MAP3K12: variants seen among roughly 807,000 people sequenced by gnomAD.
MAP3K12 encodes mitogen-activated protein kinase kinase kinase 12.
Under a neutral mutation model 87.5 loss-of-function variants are expected in MAP3K12, and 14 were observed. The ratio of observed to expected loss-of-function variants is 0.16; its 90% CI spans 0.11 to 0.25. The LOEUF (loss-of-function observed/expected upper bound fraction) is 0.25. Among genes scored for constraint, MAP3K12 ranks in the 10% least tolerant of loss-of-function variants. The probability of loss-of-function intolerance (pLI) is 1.00; values close to 1 mark genes in which losing one functional copy is unlikely to be tolerated. For synonymous variants in MAP3K12, 469 were observed against 452.5 expected, an observed-to-expected ratio of 1.04 and a Z score of -0.46; for missense variants, 802 against 1,140.4, an observed-to-expected ratio of 0.70 and a Z score of 4.27.
chr12:53,482,397 C>G (rs1385212527), intron 11 of MAP3K12, 28 bp from the exon 12 acceptor site: 1 of 1,612,302 alleles, frequency 6.2e-7, no homozygotes, highest in Non-Finnish European at 8.5e-7. Context: ...TGGGGGGGGT[C>G]TGATTAGAAG....
chr12:53,486,196 G>T lies in MAP3K12; in HGVS notation c.681C>A (p.Ala227=), dbSNP rs767044051. 4.3e-6 allele frequency: 7 copies of T among 1,613,636 alleles called. No individual in the cohort carries two copies. Among genetic ancestry groups the T allele is most frequent in the Non-Finnish European group, 5.9e-6 (7 of 1,179,784 alleles). Residue 227 remains alanine, a synonymous_variant, in exon 4 of 14, where the codon GCC becomes GCA. Transcript: ENST00000547488. This position sits in a 1 kb window ranked among gnomAD's most constrained non-coding sequence, Gnocchi z 4.9. ...PCYCILMEFC[A]QGQLYEVLRA... Reference sequence around the variant, plus strand: ...GCAGTACCTCATACAGCTGGCCCTGGGCGCAGAACTCCATGAGGATGCAGT... The same window carrying T: ...GCAGTACCTCATACAGCTGGCCCTGTGCGCAGAACTCCATGAGGATGCAGT...
chr12:53,494,348 T>C (rs1943493944), intron 1 of MAP3K12, among the ~76,000 whole-genome samples: 2 of 152,232 alleles, frequency 1.3e-5, no homozygotes, highest in Admixed American at 1.3e-4. Context: ...GGGGACAGAA[T>C]GATCTCTAAG....
At position 53,483,629 on chromosome 12, in the gene MAP3K12, G is replaced by T. The variant is rs555993639; in HGVS notation, c.1453C>A (p.Leu485Ile). The T allele has an allele frequency of 3.2e-4, 516 of 1,614,120 alleles. 7 individuals are homozygous for T. In the South Asian group the frequency reaches 5.3e-3, roughly 17 times the overall value. ...ELNALMLQLELKERELLRREQ... is the reference protein window; with the variant it reads ...ELNALMLQLEIKERELLRREQ... ...TACCTGAGCAGCTCCCTCTCCTTGA[G>T]TTCCAGCTGCAACATGAGGGCATTA... The change falls in exon 9 of 14, where the codon CTC becomes ATC. Residue 485 changes from leucine to isoleucine, a missense_variant. By Grantham distance (5) the Leu-to-Ile change is conservative. Around this residue, in one of 5 missense-constraint regions of MAP3K12, gnomAD observed 99 missense variants for 193.4 expected, o/e 0.51. Transcript: ENST00000547488.
upstream of MAP3K12, chr12:53,499,483 A>T (rs1281060315): frequency 7.0e-6 from 1 of 142,234 alleles, no homozygotes; most frequent in African/African-American, 2.6e-5. Context: ...TCCGCTCCGG[A>T]TGCTGCTCCC....
At chr12:53,489,702 T>A (rs1592717246) in intron 1 of MAP3K12, among the ~76,000 whole-genome samples, 1 of 152,080 alleles carries the variant, frequency 6.6e-6, no homozygotes, top group Admixed American at 6.5e-5. Flanking sequence ...TCTAGAAGGG[T>A]TCAGTAGATG....
chr12:53,486,782 G>T lies in MAP3K12; in HGVS notation c.446-160C>A. On this transcript the variant is annotated intron_variant, in intron 2 of 13. Coordinates refer to ENST00000547488, the MANE Select transcript of MAP3K12 (RefSeq NM_001193511.2). The surrounding 1 kb of genome is among the most constrained non-coding windows in gnomAD (Gnocchi z 4.9). ...TCGAGGGGACAGGGAAGGAATGAAT[G>T]GGTGGCCTTAAAAGAAGCTGGGAAG... 6.8e-7 allele frequency: 1 copy of T among 1,470,168 alleles called. No individual in the cohort carries two copies. The highest frequency in any genetic ancestry group is 9.0e-7 in the Non-Finnish European group (1 of 1,115,870). The allele number at this position is 1,470,168 out of a possible 1,614,324, so 91.1% of individuals were successfully genotyped here. A position where few individuals can be genotyped will look rare whatever the true frequency, so the allele number is the denominator to read the frequency against.
chr12:53,499,879 CT>C (rs1322653433), upstream of MAP3K12: 2 of 152,348 alleles, frequency 1.3e-5, no homozygotes, highest in Admixed American at 6.5e-5. Flanking sequence ...CAGGAACCCC[CT>C]ATGACCCGTC....
At chr12:53,499,260 G>A (rs1943620651) in intron 1 of MAP3K12, among the ~76,000 whole-genome samples, 167 bp downstream of exon 1, 1 of 151,646 alleles carries the variant, frequency 6.6e-6, no homozygotes, top group African/African-American at 2.4e-5. Flanking sequence ...AGCCCCACAG[G>A]CGTCGGGTCC....
rs752536865 is a variant in MAP3K12 at position 53,482,332 on chromosome 12, A to G, written c.2276T>C (p.Val759Ala). The change falls in exon 12 of 14, where the codon GTA becomes GCA. Residue 759 changes from valine to alanine, a missense_variant. Val to Ala is a moderately conservative substitution (Grantham distance 64). Coordinates refer to ENST00000547488, the MANE Select transcript of MAP3K12 (RefSeq NM_001193511.2). ...GISSEEEEGEVDSEVELTSSQ... is the reference protein window; with the variant it reads ...GISSEEEEGEADSEVELTSSQ... ...TGATGTCAGCTCTACTTCACTGTCT[A>G]CCTCTCCTTCCTCCTCTTCCGATGA... The G allele has an allele frequency of 1.2e-5, 19 of 1,611,216 alleles. No individual in the cohort carries two copies. The highest frequency in any genetic ancestry group is 1.4e-5 in the Non-Finnish European group (17 of 1,179,372).
intron 1 of MAP3K12, among the ~76,000 whole-genome samples, chr12:53,495,541 C>CAAAAAA (rs57850924): frequency 2.1e-5 from 1 of 48,040 alleles, no homozygotes; most frequent in African/African-American, 8.2e-5. Context: ...GACTCCATCT[C>CAAAAAA]AAAAAAAAAA....
Position 53,482,585 on chromosome 12 carries a change from C to T in MAP3K12, c.2218G>A (p.Ala740Thr). Residue 740 changes from alanine to threonine, a missense_variant, in exon 11 of 14, where the codon GCT becomes ACT. This residue lies in a region of MAP3K12 where 490 missense variants were observed against 496.6 expected (regional missense o/e 0.99). Coordinates refer to ENST00000547488, the MANE Select transcript of MAP3K12 (RefSeq NM_001193511.2). ...TTTACCTGACTTCGGGTGACGGCAG[C>T]CCTGTACAGCAGTGCAGCTGGGGTC... ...HLTPAALLYR[A>T]AVTRSQKRGI... 6.2e-7 allele frequency: 1 copy of T among 1,611,886 alleles called. No homozygotes were observed. Among genetic ancestry groups the T allele is most frequent in the Non-Finnish European group, 8.5e-7 (1 of 1,179,100 alleles).
rs1425138771 is a variant in MAP3K12 at position 53,483,265 on chromosome 12, A to G, written c.1614-76T>C. ...AAAGCACTCCCTAACCTTGGACACTAAAGTACACATCTCCCTGCTAATATA... is the reference window on the plus strand; with the variant it reads ...AAAGCACTCCCTAACCTTGGACACTGAAGTACACATCTCCCTGCTAATATA... On this transcript the variant is annotated intron_variant, in intron 10 of 13. Coordinates refer to ENST00000547488, the MANE Select transcript of MAP3K12 (RefSeq NM_001193511.2). The G allele has an allele frequency of 2.5e-6, 4 of 1,572,040 alleles. No homozygotes were observed. In the East Asian group the frequency reaches 8.9e-5, roughly 35 times the overall value.
chr12:53,501,231 C>A (rs1454816853), upstream of MAP3K12: 9 of 661,544 alleles, frequency 1.4e-5, no homozygotes, highest in African/African-American at 7.3e-5. Context: ...GCGGATAGCT[C>A]CCCTCCAGAT....
At chr12:53,497,268 T>C (rs1291034091) in intron 1 of MAP3K12, among the ~76,000 whole-genome samples, 3 of 152,186 alleles carry the variant, frequency 2.0e-5, no homozygotes, top group Non-Finnish European at 4.4e-5. Flanking sequence ...GGAAAGTGCC[T>C]AACACACACT....
At chr12:53,483,843 G>C (rs1009561311) in intron 8 of MAP3K12, 68 bp downstream of exon 8, 1 of 1,610,354 alleles carries the variant, frequency 6.2e-7, no homozygotes, top group Non-Finnish European at 8.5e-7. Context: ...CCTGGGGCTG[G>C]GTAGGAGCTG....
chr12:53,496,425 C>T (rs1943549532), intron 1 of MAP3K12, among the ~76,000 whole-genome samples: 1 of 152,162 alleles, frequency 6.6e-6, no homozygotes, highest in Non-Finnish European at 1.5e-5. Context: ...TGCTAAGATC[C>T]TCCCTTTGAT....
chr12:53,497,035 A>G (rs1943560725), intron 1 of MAP3K12, among the ~76,000 whole-genome samples: 1 of 152,216 alleles, frequency 6.6e-6, no homozygotes, highest in Non-Finnish European at 1.5e-5. Flanking sequence ...GGGTAAGAAC[A>G]CAGGTTCTGG....
rs369724560 is a variant in MAP3K12, at chr12:53,487,191, T to C, written c.201A>G (p.Pro67=). ...AAGGCTCAGGGGGCGGCTCTCCACC[T>C]GGGGAGGGGCTGGGCCCTCCCCCAC... ...GQGGGGPSPS[P]GGEPPPEPFA... The change falls in exon 2 of 14, where the codon CCA becomes CCG. Residue 67 remains proline (P), a synonymous_variant. Transcript: ENST00000547488. 6.2e-7 allele frequency: 1 copy of C among 1,613,728 alleles called. No homozygotes were observed. The highest frequency in any genetic ancestry group is 1.3e-5 in the African/African-American group (1 of 74,830).
Position 53,483,934 on chromosome 12 carries a change from C to T in MAP3K12, c.1335G>A (p.Val445=), listed in dbSNP as rs796610858. ...ACCTGAGCTCCTCCCTCCTCCTCAT[C>T]ACCAGTTCCTCTTCTAGGCGGTGCA... ...TCLHRLEEEL[V]MRRREELRHA... Residue 445 remains valine, a synonymous_variant, in exon 8 of 14, where the codon GTG becomes GTA. Coordinates refer to ENST00000547488, the MANE Select transcript of MAP3K12 (RefSeq NM_001193511.2). The T allele has an allele frequency of 4.3e-6, 7 of 1,614,228 alleles. No individual in the cohort carries two copies. The East Asian group carries it at 6.7e-5, about 15-fold the overall frequency.
Sources: gnomAD v4.1 joint callset for allele counts (sites outside exome capture counted in the v4.1 genomes callset) on GRCh38, gnomAD v4.1.1 for gene constraint, gnomAD v4.1.1 regional missense constraint, Gnocchi (gnomAD v3.1) non-coding constraint, MANE v1.5 for transcripts, NCBI Gene and HGNC (gene_info 2026-07-23, HGNC 2026-07-21) for gene names.